ZNF282: variants seen among roughly 807,000 people sequenced by gnomAD.
ZNF282 encodes zinc finger protein 282, also known as HTLV-I U5 repressive element-binding protein 1.
A neutral mutation model predicts 61.9 loss-of-function variants in ZNF282; 30 were observed. The ratio of observed to expected loss-of-function variants is 0.48; its 90% CI spans 0.36 to 0.66. The LOEUF is 0.66. Ranked by LOEUF, ZNF282 falls within the 30% of genes least tolerant of loss-of-function variation. The pLI is 0.00. For missense variants in ZNF282, 788 were observed against 941.4 expected, an observed-to-expected ratio of 0.84 and a Z score of 2.13; for synonymous variants, 396 against 405.0, an observed-to-expected ratio of 0.98 and a Z score of 0.27.
intron 2 of ZNF282, among the ~76,000 whole-genome samples, chr7:149,203,869 C>T (rs1795951375): frequency 6.6e-6 from 1 of 152,132 alleles, no homozygotes; most frequent in Non-Finnish European, 1.5e-5. Context: ...TGTGGGAAGA[C>T]ACTATGTAGA....
At chr7:149,217,242 A>G (rs998607822) in intron 7 of ZNF282, among the ~76,000 whole-genome samples, 2 of 152,200 alleles carry the variant, frequency 1.3e-5, no homozygotes, top group Admixed American at 6.5e-5. Context: ...AGCACTTAGA[A>G]TAAGCAGTGA....
In ZNF282 at chr7:149,221,612, C is replaced by G. The variant is rs140266973; in HGVS notation, c.1181-2200C>G. Among the ~76,000 whole-genome samples the G allele has an allele frequency of 1.6e-3, 237 of 152,228 alleles. 4 individuals are homozygous for G. In the East Asian group the frequency reaches 0.036, roughly 23 times the overall value. On this transcript the variant is annotated intron_variant, in intron 7 of 7. Transcript: ENST00000610704. ...AGTGCCGTGGCCACAGAGGCCACAGCGATCTCCCGGGATTCTCTGGAGCTG... is the reference window on the plus strand; with the variant it reads ...AGTGCCGTGGCCACAGAGGCCACAGGGATCTCCCGGGATTCTCTGGAGCTG...
In ZNF282 at chr7:149,198,796, A is replaced by G. The variant is rs1384415031; in HGVS notation, c.585+44A>G. 2 of 1,545,486 alleles carry G rather than the reference A, an allele frequency of 1.3e-6. No individual in the cohort carries two copies. Among genetic ancestry groups the G allele is most frequent in the African/African-American group, 2.8e-5 (2 of 72,044 alleles). ...GGCAGGGATAGAGGTGAGGAACAGC[A>G]CAGGTGCATAAAATTCTTGATTTCA... On this transcript the variant is annotated intron_variant, in intron 2 of 7. Coordinates refer to ENST00000610704, the MANE Select transcript of ZNF282 (RefSeq NM_003575.4). This position sits in a 1 kb window ranked among gnomAD's most constrained non-coding sequence, Gnocchi z 4.3.
Position 149,207,364 on chromosome 7 carries a change from A to G in ZNF282, c.726A>G (p.Ser242=). The G allele has an allele frequency of 6.3e-7, 1 of 1,587,536 alleles. No homozygotes were observed. The highest frequency in any genetic ancestry group is 8.6e-7 in the Non-Finnish European group (1 of 1,165,336). Residue 242 remains serine (S), a synonymous_variant, in exon 4 of 8, where the codon TCA becomes TCG. Coordinates refer to ENST00000610704, the MANE Select transcript of ZNF282 (RefSeq NM_003575.4). The part of the protein sequence containing the change: ...KTLMSLDAEG[S]VPKPDAPVQA... Reference sequence around the variant, plus strand: ...CCTCACTTCCAGACGCGGAGGGCTCAGTCCCCAAGCCAGATGCTCCAGTCC... The same window carrying G: ...CCTCACTTCCAGACGCGGAGGGCTCGGTCCCCAAGCCAGATGCTCCAGTCC...
intron 7 of ZNF282, among the ~76,000 whole-genome samples, chr7:149,220,925 T>TTTTG (rs1554471507): frequency 1.9e-4 from 9 of 47,764 alleles, no homozygotes; most frequent in Middle Eastern, 0.013. Flanking sequence ...GGGTTTTTTT[T>TTTTG]TTTTTTTTTT....
At position 149,210,626 on chromosome 7, in the gene ZNF282, G is replaced by A. The variant is rs140852754; in HGVS notation, c.874G>A (p.Val292Met). 5 of 1,612,526 alleles carry A rather than the reference G, an allele frequency of 3.1e-6. No individual in the cohort carries two copies. The highest frequency in any genetic ancestry group is 3.3e-5 in the Admixed American group (2 of 59,764). The change falls in exon 5 of 8, where the codon GTG becomes ATG. Residue 292 changes from valine to methionine, a missense_variant. Coordinates refer to ENST00000610704, the MANE Select transcript of ZNF282 (RefSeq NM_003575.4). ...LVPAQDASSQ[V>M]KREDTLCVRG... ...GCCTGCGCAGGATGCGTCCTCCCAG[G>A]TGAAGCGTGAGGACACCCTGTGTGT... is the stretch of plus-strand genomic sequence containing the variant.
chr7:149,219,802 G>T (rs761667280), intron 7 of ZNF282, among the ~76,000 whole-genome samples: 4 of 152,106 alleles, frequency 2.6e-5, no homozygotes, highest in Non-Finnish European at 5.9e-5. Context: ...AGCAGAGATT[G>T]TGTCACTGCA....
intron 7 of ZNF282, among the ~76,000 whole-genome samples, chr7:149,215,195 ATTTT>A (rs36096302): frequency 4.4e-5 from 4 of 90,692 alleles, no homozygotes; most frequent in African/African-American, 1.3e-4. Flanking sequence ...ATTTCCTGAC[ATTTT>A]TTTTTTTTTT....
At chr7:149,209,925 T>C (rs942121562) in intron 4 of ZNF282, among the ~76,000 whole-genome samples, 11 of 152,214 alleles carry the variant, frequency 7.2e-5, no homozygotes, top group African/African-American at 2.4e-4. Flanking sequence ...AATTTTTCTT[T>C]CTCATCAATG....
At chr7:149,203,901 G>A (rs1795951997) in intron 2 of ZNF282, among the ~76,000 whole-genome samples, 1 of 152,198 alleles carries the variant, frequency 6.6e-6, no homozygotes. Context: ...GTTACCTATT[G>A]CTGTATAACA....
At chr7:149,218,640 A>G (rs1292589581) in intron 7 of ZNF282, among the ~76,000 whole-genome samples, 1 of 151,680 alleles carries the variant, frequency 6.6e-6, no homozygotes, top group Non-Finnish European at 1.5e-5. Context: ...TAATTGGCCA[A>G]ACCTCACAGG....
At chr7:149,199,463 C>T (rs1029846651) in intron 2 of ZNF282, among the ~76,000 whole-genome samples, 3 of 152,086 alleles carry the variant, frequency 2.0e-5, no homozygotes, top group Non-Finnish European at 2.9e-5. Context: ...CAGCTCTCCC[C>T]CCTCTGCTGG....
At chr7:149,204,747 C>T (rs2129523196) in intron 2 of ZNF282, among the ~76,000 whole-genome samples, 1 of 152,268 alleles carries the variant, frequency 6.6e-6, no homozygotes, top group Non-Finnish European at 1.5e-5. Context: ...AAACAAGAAG[C>T]TTCTGAAGCA....
chr7:149,201,522 C>T (rs552413417), intron 2 of ZNF282, among the ~76,000 whole-genome samples: 19 of 152,324 alleles, frequency 1.2e-4, no homozygotes, highest in Middle Eastern at 3.4e-3. Context: ...GAAGGCCGGG[C>T]AGGTGGGTCA....
chr7:149,214,455 G>T (rs1398512586), intron 7 of ZNF282, among the ~76,000 whole-genome samples: 1 of 152,102 alleles, frequency 6.6e-6, no homozygotes, highest in Non-Finnish European at 1.5e-5. Context: ...GGCAGGGAGG[G>T]GAGGAAGGGA....
At chr7:149,213,618 G>A (rs142354798) in intron 6 of ZNF282, 83 bp from the exon 7 acceptor site, 21 of 982,556 alleles carry the variant, frequency 2.1e-5, no homozygotes, top group African/African-American at 1.9e-4. Flanking sequence ...TGCAGCCACC[G>A]CATGGGATGG....
At chr7:149,217,723 C>T (rs1330221784) in intron 7 of ZNF282, among the ~76,000 whole-genome samples, 1 of 152,060 alleles carries the variant, frequency 6.6e-6, no homozygotes, top group Non-Finnish European at 1.5e-5. Flanking sequence ...AGAGCAAAGA[C>T]AGAGTGGTCA....
chr7:149,208,041 T>A (rs1796025901), intron 4 of ZNF282, among the ~76,000 whole-genome samples: 1 of 152,088 alleles, frequency 6.6e-6, no homozygotes, highest in South Asian at 2.1e-4. Flanking sequence ...GGCCCTAGGG[T>A]TCTAGGCCTG....
intron 2 of ZNF282, among the ~76,000 whole-genome samples, chr7:149,204,580 C>T (rs77552343): frequency 1.6e-3 from 240 of 152,236 alleles, no homozygotes; most frequent in African/African-American, 5.2e-3. Flanking sequence ...CACATACCGT[C>T]GGCCTTGGAT....
Sources: allele counts gnomAD v4.1 joint callset (sites outside exome capture counted in the v4.1 genomes callset), GRCh38; gene constraint gnomAD v4.1.1; non-coding constraint Gnocchi (gnomAD v3.1); transcripts MANE v1.5; gene names NCBI Gene and HGNC (gene_info 2026-07-23, HGNC 2026-07-21).